Variants in DRC7 observed in about 807,000 individuals in gnomAD.
The protein encoded by DRC7 is dynein regulatory complex subunit 7.
In DRC7, 80 loss-of-function variants were observed where a neutral mutation model predicts 104.4. The observed-to-expected ratio is 0.77, with a 90% CI of 0.64 to 0.92. The LOEUF (loss-of-function observed/expected upper bound fraction) is 0.92. Among genes scored for constraint, DRC7 ranks in the 40% least tolerant of loss-of-function variants. The pLI, the probability that DRC7 is intolerant of heterozygous loss-of-function variation, is 0.00. For synonymous variants in DRC7, 405 were observed against 447.3 expected (o/e 0.91, Z 1.19); for missense variants, 1,034 against 1,141.1 (o/e 0.91, Z 1.35).
chr16:57,697,843 C>A, intron 2 of DRC7, 70 bp from the exon 3 acceptor site: 1 of 1,509,172 alleles, frequency 6.6e-7, no homozygotes, highest in Non-Finnish European at 8.9e-7. Flanking sequence ...CCCGGGGATG[C>A]CCAGATGGTG....
chr16:57,714,947 T>A (rs2048826175), intron 8 of DRC7: 1 of 329,440 alleles, frequency 3.0e-6, no homozygotes, highest in African/African-American at 2.2e-5. Context: ...GACCTGAGAA[T>A]GCTAATTTGA....
intron 8 of DRC7, chr16:57,714,776 T>G (rs1231119312): frequency 2.3e-6 from 1 of 437,866 alleles, no homozygotes; most frequent in Non-Finnish European, 4.5e-6. Context: ...GTCTCTAATC[T>G]TATGGCTGTC....
chr16:57,727,259 G>A (rs774652939), intron 15 of DRC7, 40 bp from the exon 16 acceptor site: 6 of 1,511,418 alleles, frequency 4.0e-6, no homozygotes, highest in East Asian at 2.3e-5. Context: ...GAGTGGAGGA[G>A]GGGTGTCTCC....
At chr16:57,729,294 ATGAG>A (rs2049016719) in intron 17 of DRC7, among the ~76,000 whole-genome samples, 2 of 137,842 alleles carry the variant, frequency 1.5e-5, no homozygotes, top group Admixed American at 1.4e-4. Context: ...GGATGAATGG[ATGAG>A]TGAGTGGGTG....
At position 57,706,140 on chromosome 16, in the gene DRC7, C is replaced by T. The variant is rs573583975; in HGVS notation, c.858+1106C>T. 6.8e-5 allele frequency among the ~76,000 whole-genome samples: 10 copies of T among 146,802 alleles called. No homozygotes were observed. In the East Asian group the frequency reaches 2.1e-3, roughly 31 times the overall value. On this transcript the variant is annotated intron_variant, in intron 7 of 18. Transcript: ENST00000360716. Reference sequence around the variant, plus strand: ...TGCTTCCATCCATCCATTCTCCCATCTTCCCATCCACCCATCTTCCCATCC... The same window carrying T: ...TGCTTCCATCCATCCATTCTCCCATTTTCCCATCCACCCATCTTCCCATCC...
At position 57,711,247 on chromosome 16, in the gene DRC7, T is replaced by C. The variant is rs192773659; in HGVS notation, c.1077+3569T>C. On this transcript the variant is annotated intron_variant, in intron 8 of 18. Coordinates refer to ENST00000360716, the MANE Select transcript of DRC7 (RefSeq NM_001289162.2). ...TTCAAATTTATTGTTATGAAAGTGTTCAAAATAGCTCCTTATTTTCCTTCT... is the reference window on the plus strand; with the variant it reads ...TTCAAATTTATTGTTATGAAAGTGTCCAAAATAGCTCCTTATTTTCCTTCT... Among the ~76,000 whole-genome samples, 406 of 152,368 alleles carry C rather than the reference T, an allele frequency of 2.7e-3. 2 individuals carry two copies. The highest frequency in any genetic ancestry group is 4.5e-3 in the Non-Finnish European group (304 of 68,030).
chr16:57,731,133 C>T, intron 18 of DRC7, 32 bp from the exon 19 acceptor site: 2 of 1,613,744 alleles, frequency 1.2e-6, no homozygotes, highest in South Asian at 1.1e-5. Flanking sequence ...TTTGTAACCC[C>T]TCACCCTCTT....
At chr16:57,727,098 C>T in intron 15 of DRC7, 156 bp downstream of exon 15, 1 of 648,320 alleles carries the variant, frequency 1.5e-6, no homozygotes, top group Admixed American at 2.6e-5. Flanking sequence ...GTAACTGGGA[C>T]CACTAGCGCA....
chr16:57,707,337 G>T, intron 7 of DRC7, 123 bp from the exon 8 acceptor site: 1 of 807,402 alleles, frequency 1.2e-6, no homozygotes, highest in Non-Finnish European at 1.9e-6. Context: ...CACTCCGGTT[G>T]ATGGTGCAGT....
intron 16 of DRC7, among the ~76,000 whole-genome samples, chr16:57,727,939 C>T (rs1240918588): frequency 2.6e-5 from 4 of 152,198 alleles, no homozygotes; most frequent in Non-Finnish European, 5.9e-5. Flanking sequence ...GTGTCAGCCC[C>T]CACGTCTCCA....
In DRC7 at chr16:57,722,814, C is replaced by T. The variant is rs368843043; in HGVS notation, c.1381C>T (p.Arg461Cys). The T allele has an allele frequency of 2.8e-5, 45 of 1,613,710 alleles. No homozygotes were observed. In the East Asian group the frequency reaches 5.6e-4, roughly 20 times the overall value. ...CCTCAATAGCAATGGCCTTGTGAGCCGCCTCACCACCTATGAGGACTTGCA... is the reference window on the plus strand; with the variant it reads ...CCTCAATAGCAATGGCCTTGTGAGCTGCCTCACCACCTATGAGGACTTGCA... ...PYLNSNGLVSRLTTYEDLQCT... is the reference protein window; with the variant it reads ...PYLNSNGLVSCLTTYEDLQCT... Residue 461 changes from arginine (R) to cysteine (C), a missense_variant, in exon 11 of 19, where the codon CGC (arginine) becomes TGC (cysteine). Coordinates refer to ENST00000360716, the MANE Select transcript of DRC7 (RefSeq NM_001289162.2).
rs778419271 is a variant in DRC7 at position 57,726,193 on chromosome 16, G to T, written c.1884G>T (p.Thr628=). The change falls in exon 14 of 19, where the codon ACG becomes ACT. Residue 628 remains threonine, a synonymous_variant. Coordinates refer to ENST00000360716, the MANE Select transcript of DRC7 (RefSeq NM_001289162.2). The part of the protein sequence containing the change: ...LRYHCREDHI[T]ASKREFLRRT... ...ACCACTGCCGTGAGGACCACATCAC[G>T]GCCTCCAAGCGCGAGTTCCTGCGGC... 1.9e-6 allele frequency: 3 copies of T among 1,613,242 alleles called. No homozygotes were observed. The highest frequency in any genetic ancestry group is 2.5e-6 in the Non-Finnish European group (3 of 1,180,010).
chr16:57,703,030 A>T (rs116781761), intron 6 of DRC7, among the ~76,000 whole-genome samples: 5,310 of 151,726 alleles, frequency 0.035, 248 homozygotes, highest in African/African-American at 0.11. Context: ...ACTACAGGCG[A>T]GTACCACCAC....
chr16:57,698,307 C>T (rs535312555), intron 3 of DRC7, among the ~76,000 whole-genome samples, 155 bp downstream of exon 3: 46 of 151,948 alleles, frequency 3.0e-4, no homozygotes, highest in African/African-American at 7.7e-4. Flanking sequence ...TGGCCTGGGC[C>T]GAGTGTCCAT....
At position 57,721,499 on chromosome 16, in the gene DRC7, ACTC is replaced by A. The variant is rs550477029; in HGVS notation, c.1207-162_1207-160del. 8.1e-4 allele frequency among the ~76,000 whole-genome samples: 122 copies of A among 150,952 alleles called. No individual in the cohort carries two copies. The South Asian group carries it at 9.7e-3, about 12-fold the overall frequency. On this transcript the variant is annotated intron_variant, in intron 9 of 18. Coordinates refer to ENST00000360716, the MANE Select transcript of DRC7 (RefSeq NM_001289162.2). Reference sequence around the variant, plus strand: ...GGGAAGGGCTCCCTGCCCAGAGTCGACTCCTCCTTTTCCACATCATGGGTCGTG... The same window carrying A: ...GGGAAGGGCTCCCTGCCCAGAGTCGACTCCTTTTCCACATCATGGGTCGTG...
chr16:57,714,881 T>C, intron 8 of DRC7: 1 of 333,396 alleles, frequency 3.0e-6, no homozygotes, highest in Non-Finnish European at 5.9e-6. Flanking sequence ...GAGGGAAATA[T>C]GAGCCGAGGA....
chr16:57,696,785 G>T (rs1853754189), intron 2 of DRC7, among the ~76,000 whole-genome samples, 191 bp downstream of exon 2: 1 of 152,230 alleles, frequency 6.6e-6, no homozygotes, highest in Non-Finnish European at 1.5e-5. Context: ...CCTGGTGCAG[G>T]CACCTTCACT....
In DRC7 at chr16:57,704,927, C is replaced by T. The variant is rs1597796352; in HGVS notation, c.751C>T (p.Pro251Ser). ...GCCTAAGAAGTATACCATCAAACCC[C>T]CCAGGGACCTGTGCAGCAGGTTTGA... Reference protein sequence around the residue: ...VLPKKYTIKPPRDLCSRFEQE... With the variant: ...VLPKKYTIKPSRDLCSRFEQE... Residue 251 changes from proline to serine, a missense_variant, in exon 7 of 19, where the codon CCC (proline) becomes TCC (serine). By Grantham distance (74) the Pro-to-Ser change is moderately conservative (BLOSUM62 -1). Coordinates refer to ENST00000360716, the MANE Select transcript of DRC7 (RefSeq NM_001289162.2). The T allele has an allele frequency of 1.2e-6, 2 of 1,613,786 alleles. No homozygotes were observed. The highest frequency in any genetic ancestry group is 2.7e-5 in the African/African-American group (2 of 74,994).
In DRC7 at chr16:57,726,230, G is replaced by A. The variant is rs1461984589; in HGVS notation, c.1921G>A (p.Asp641Asn). 3.7e-6 allele frequency: 6 copies of A among 1,613,078 alleles called. No individual in the cohort carries two copies. The highest frequency in any genetic ancestry group is 5.1e-6 in the Non-Finnish European group (6 of 1,179,916). The change falls in exon 14 of 19, where the codon GAC (aspartate) becomes AAC (asparagine). Residue 641 changes from aspartate to asparagine, a missense_variant. Coordinates refer to ENST00000360716, the MANE Select transcript of DRC7 (RefSeq NM_001289162.2). ...KREFLRRTEV[D>N]SKGNKIIMTP... is the part of the protein sequence containing the mutation. ...CGAGTTCCTGCGGCGCACCGAGGTG[G>A]ACAGCAAAGGCAACAAGATCATCAT...
Sources: allele counts gnomAD v4.1 joint callset (sites outside exome capture counted in the v4.1 genomes callset), GRCh38; gene constraint gnomAD v4.1.1; transcripts MANE v1.5; gene names NCBI Gene and HGNC (gene_info 2026-07-23, HGNC 2026-07-21).